LHFPL3: variants seen among roughly 807,000 people sequenced by gnomAD.
The protein encoded by LHFPL3 is LHFPL tetraspan subfamily member 3 protein.
A neutral mutation model predicts 19.3 loss-of-function variants in LHFPL3; 5 were observed. That is an observed-to-expected ratio of 0.26 (90% confidence interval 0.14 to 0.54). The LOEUF is 0.54. Ranked by LOEUF, LHFPL3 falls within the 20% of genes least tolerant of loss-of-function variation. The pLI is 0.94. For synonymous variants in LHFPL3, 133 were observed against 126.2 expected (o/e 1.05, Z -0.36); for missense variants, 249 against 307.4 (o/e 0.81, Z 1.42).
intron 2 of LHFPL3, among the ~76,000 whole-genome samples, chr7:104,892,795 A>G (rs1792277540): frequency 6.6e-6 from 1 of 150,594 alleles, no homozygotes. Context: ...TATTTTTTCT[A>G]TGTACATATA....
At chr7:104,374,246 A>T (rs1173499653) in intron 1 of LHFPL3, among the ~76,000 whole-genome samples, 3 of 149,902 alleles carry the variant, frequency 2.0e-5, no homozygotes, top group Non-Finnish European at 1.5e-5. Context: ...GTGTGTATAC[A>T]TATATATTTT....
chr7:104,882,435 A>T lies in LHFPL3; in HGVS notation c.683-23752A>T, dbSNP rs549160825. Reference sequence around the variant, plus strand: ...GCTAATTTTTGTATTTTTAGTAGAGACAAGGTTTCATCATGTTGGCCAGGC... The same window carrying T: ...GCTAATTTTTGTATTTTTAGTAGAGTCAAGGTTTCATCATGTTGGCCAGGC... On this transcript the variant is annotated intron_variant, in intron 2 of 2. Transcript: ENST00000424859. Among the ~76,000 whole-genome samples, 3 of 152,252 alleles carry T rather than the reference A, an allele frequency of 2.0e-5. No individual in the cohort carries two copies. The South Asian group carries it at 6.2e-4, about 32-fold the overall frequency.
At chr7:104,527,767 A>G (rs909890489) in intron 1 of LHFPL3, among the ~76,000 whole-genome samples, 2 of 152,176 alleles carry the variant, frequency 1.3e-5, no homozygotes, top group Admixed American at 1.3e-4. Flanking sequence ...CATGCAGTCC[A>G]CTTTGCCTTC....
At chr7:104,816,040 G>A (rs1324804491) in intron 2 of LHFPL3, among the ~76,000 whole-genome samples, 4 of 152,082 alleles carry the variant, frequency 2.6e-5, no homozygotes, top group Admixed American at 1.3e-4. Flanking sequence ...TAGCCTCATT[G>A]TGTGCTTTCT....
chr7:104,456,308 A>G (rs1175100363), intron 1 of LHFPL3, among the ~76,000 whole-genome samples: 7 of 152,224 alleles, frequency 4.6e-5, no homozygotes, highest in African/African-American at 1.7e-4. Flanking sequence ...TTGAAGAGTA[A>G]AAGGCCGAAA....
In LHFPL3 at chr7:104,678,381, A is replaced by G. The variant is rs541810076; in HGVS notation, c.446-58294A>G. On this transcript the variant is annotated intron_variant, in intron 1 of 2. Coordinates refer to ENST00000424859, the MANE Select transcript of LHFPL3 (RefSeq NM_199000.3). ...TTTAAGTAACTTTATTTCTGTCTGC[A>G]TTTGTTGAACATTAGCATTACATAT... 3.3e-5 allele frequency among the ~76,000 whole-genome samples: 5 copies of G among 152,238 alleles called. No homozygotes were observed. In the South Asian group the frequency reaches 1.0e-3, roughly 32 times the overall value.
At chr7:104,508,522 G>A (rs1000776718) in intron 1 of LHFPL3, among the ~76,000 whole-genome samples, 3 of 151,022 alleles carry the variant, frequency 2.0e-5, no homozygotes, top group African/African-American at 7.3e-5. Context: ...TGACGAGTTA[G>A]TGGGTGCAGC....
intron 1 of LHFPL3, among the ~76,000 whole-genome samples, chr7:104,594,497 A>G (rs1287041305): frequency 6.6e-6 from 1 of 152,146 alleles, no homozygotes; most frequent in African/African-American, 2.4e-5. Flanking sequence ...ACCTTGGTGA[A>G]TCTGACAATG....
chr7:104,357,581 G>C (rs1049530267), intron 1 of LHFPL3, among the ~76,000 whole-genome samples: 1 of 152,170 alleles, frequency 6.6e-6, no homozygotes, highest in African/African-American at 2.4e-5. Context: ...GGTTCAATGA[G>C]AGAAACAAAA....
At chr7:104,822,474 G>T (rs1360438803) in intron 2 of LHFPL3, among the ~76,000 whole-genome samples, 2 of 152,152 alleles carry the variant, frequency 1.3e-5, no homozygotes, top group Non-Finnish European at 2.9e-5. Flanking sequence ...TGTGGGGGAT[G>T]GAGATCTGTC....
At chr7:104,729,501 T>C (rs527639408) in intron 1 of LHFPL3, among the ~76,000 whole-genome samples, 3 of 152,252 alleles carry the variant, frequency 2.0e-5, no homozygotes, top group African/African-American at 7.2e-5. Context: ...TTGTACCTGT[T>C]GACCAGTCTC....
intron 1 of LHFPL3, among the ~76,000 whole-genome samples, chr7:104,718,850 C>A (rs1338025128): frequency 6.6e-6 from 1 of 152,182 alleles, no homozygotes; most frequent in African/African-American, 2.4e-5. Flanking sequence ...TAGAGGCACA[C>A]AGAACTGCTA....
chr7:104,388,060 A>G (rs904668640), intron 1 of LHFPL3, among the ~76,000 whole-genome samples: 2 of 152,118 alleles, frequency 1.3e-5, no homozygotes, highest in African/African-American at 4.8e-5. Flanking sequence ...TTCTTGTGTT[A>G]GTTTTCTTAG....
chr7:104,466,857 A>C (rs763656066), intron 1 of LHFPL3, among the ~76,000 whole-genome samples: 2 of 152,142 alleles, frequency 1.3e-5, no homozygotes, highest in African/African-American at 2.4e-5. Context: ...CTGCGGTAAG[A>C]GTTCTGATTT....
At chr7:104,400,169 TTTGACC>T (rs969452489) in intron 1 of LHFPL3, among the ~76,000 whole-genome samples, 1 of 129,792 alleles carries the variant, frequency 7.7e-6, no homozygotes, top group African/African-American at 2.7e-5. Flanking sequence ...AGAGCTGAAA[TTTGACC>T]TTCCATGTGT....
chr7:104,834,984 G>C (rs916355747), intron 2 of LHFPL3, among the ~76,000 whole-genome samples: 1 of 151,836 alleles, frequency 6.6e-6, no homozygotes, highest in African/African-American at 2.4e-5. Context: ...TTTTCTTTTT[G>C]TCATTCTTTC....
chr7:104,772,271 A>G (rs1794566765), intron 2 of LHFPL3, among the ~76,000 whole-genome samples: 1 of 152,132 alleles, frequency 6.6e-6, no homozygotes, highest in South Asian at 2.1e-4. Flanking sequence ...CCATTTGACA[A>G]ATGAGAAAAA....
chr7:104,718,827 C>A (rs1053341522), intron 1 of LHFPL3, among the ~76,000 whole-genome samples: 1 of 152,024 alleles, frequency 6.6e-6, no homozygotes, highest in Non-Finnish European at 1.5e-5. Context: ...AACTATGGCA[C>A]AAAGTGGTAG....
At chr7:104,494,083 A>G (rs950505512) in intron 1 of LHFPL3, among the ~76,000 whole-genome samples, 4 of 152,238 alleles carry the variant, frequency 2.6e-5, no homozygotes, top group South Asian at 2.1e-4. Context: ...GGCTTTAAAT[A>G]TATTTCCATT....
Sources: gnomAD v4.1 joint callset for allele counts (sites outside exome capture counted in the v4.1 genomes callset) on GRCh38, gnomAD v4.1.1 for gene constraint, MANE v1.5 for transcripts, NCBI Gene and HGNC (gene_info 2026-07-23, HGNC 2026-07-21) for gene names.